DNTTIP1: variants seen among roughly 807,000 people sequenced by gnomAD.
DNTTIP1 encodes deoxynucleotidyltransferase terminal interacting protein 1.
A neutral mutation model predicts 52.9 loss-of-function variants in DNTTIP1; 22 were observed. The ratio of observed to expected loss-of-function variants is 0.42; its 90% CI spans 0.30 to 0.59. The LOEUF (loss-of-function observed/expected upper bound fraction) is 0.59. Among genes scored for constraint, DNTTIP1 ranks in the 20% least tolerant of loss-of-function variants. The pLI is 0.22. For synonymous variants in DNTTIP1, 136 were observed against 155.1 expected (o/e 0.88, Z 0.92); for missense variants, 286 against 435.5 (o/e 0.66, Z 3.06).
Position 45,792,707 on chromosome 20 carries a change from C to G in DNTTIP1, c.136C>G (p.Gln46Glu). 2 of 1,612,386 alleles carry G rather than the reference C, an allele frequency of 1.2e-6. No individual in the cohort carries two copies. The highest frequency in any genetic ancestry group is 1.7e-5 in the Admixed American group (1 of 59,620). ...TTGGAACATAATGATAAAGCACCGG[C>G]AGGTGCAGCGGAGGGGCCGCCGCTC... ...NPWNIMIKHRQVQRRGRRSQM... is the reference protein window; with the variant it reads ...NPWNIMIKHREVQRRGRRSQM... Residue 46 changes from glutamine to glutamate, a missense_variant, in exon 2 of 13, where the codon CAG becomes GAG. Coordinates refer to ENST00000372622, the MANE Select transcript of DNTTIP1 (RefSeq NM_052951.3).
chr20:45,800,693 AAATATATATATATATATATATATAT>A (rs1981420000), intron 4 of DNTTIP1, among the ~76,000 whole-genome samples: 14 of 30,546 alleles, frequency 4.6e-4, no homozygotes, highest in South Asian at 1.8e-3. Flanking sequence ...AAAAAAAAAA[AAATATATATATATATATATATATAT>A]ATATATATAT....
intron 1 of DNTTIP1, 24 bp downstream of exon 1, chr20:45,792,133 TG>T: frequency 8.1e-7 from 1 of 1,237,268 alleles, no homozygotes. Flanking sequence ...CGGTGAGGTC[TG>T]GGCTCAGGCC....
In DNTTIP1 at chr20:45,805,059, G is replaced by T. The variant is rs955868346; in HGVS notation, c.604-87G>T. 8 of 1,128,952 alleles carry T rather than the reference G, an allele frequency of 7.1e-6. No individual in the cohort carries two copies. In the Admixed American group the frequency reaches 1.2e-4, roughly 17 times the overall value. 69.9% of individuals were successfully genotyped at this position (1,128,952 alleles called of 1,614,324 possible). A position where few individuals can be genotyped will look rare whatever the true frequency, so the allele number is the denominator to read the frequency against. On this transcript the variant is annotated intron_variant, in intron 8 of 12. Coordinates refer to ENST00000372622, the MANE Select transcript of DNTTIP1 (RefSeq NM_052951.3). Reference sequence around the variant, plus strand: ...TGATTAAATAATAGACAAGGGGAAGGGTTAGAAAAGGGTAGGGGGAGGAGT... The same window carrying T: ...TGATTAAATAATAGACAAGGGGAAGTGTTAGAAAAGGGTAGGGGGAGGAGT...
intron 11 of DNTTIP1, among the ~76,000 whole-genome samples, chr20:45,810,646 G>C (rs1050053036): frequency 6.8e-6 from 1 of 146,946 alleles, no homozygotes; most frequent in Admixed American, 6.9e-5. Flanking sequence ...TAAAAGAGAA[G>C]GCTATAAATA....
At chr20:45,806,721 A>G (rs1981662249) in intron 10 of DNTTIP1, among the ~76,000 whole-genome samples, 1 of 152,362 alleles carries the variant, frequency 6.6e-6, no homozygotes, top group East Asian at 1.9e-4. Flanking sequence ...CTTCTTCTCC[A>G]GTCTGATATC....
At chr20:45,792,912 C>G (rs1453008057) in intron 2 of DNTTIP1, among the ~76,000 whole-genome samples, 165 bp downstream of exon 2, 1 of 152,220 alleles carries the variant, frequency 6.6e-6, no homozygotes. Context: ...TTGAACTAGT[C>G]AAGTCACTTC....
At chr20:45,802,148 C>CA in intron 7 of DNTTIP1, 91 bp downstream of exon 7, 1 of 1,384,700 alleles carries the variant, frequency 7.2e-7, no homozygotes. Flanking sequence ...CTGTGCCTGT[C>CA]AAAATCAGAT....
rs1981070953 is a variant in DNTTIP1 at position 45,792,693 on chromosome 20, T to C, written c.122T>C (p.Met41Thr). ...TCCCCACAGAACCCTTGGAACATAA[T>C]GATAAAGCACCGGCAGGTGCAGCGG... The part of the protein sequence containing the change: ...QLVLTNPWNI[M>T]IKHRQVQRRG... Residue 41 changes from methionine to threonine, a missense_variant, in exon 2 of 13, where the codon ATG becomes ACG. Physicochemically the swap from Met to Thr is moderately conservative, Grantham distance 81. Transcript: ENST00000372622. 2 of 1,612,310 alleles carry C rather than the reference T, an allele frequency of 1.2e-6. No homozygotes were observed. The highest frequency in any genetic ancestry group is 2.7e-5 in the African/African-American group (2 of 74,940).
chr20:45,796,643 C>T (rs1362343738), intron 4 of DNTTIP1: 1 of 449,818 alleles, frequency 2.2e-6, no homozygotes, highest in African/African-American at 2.0e-5. Context: ...GTTGCCATCA[C>T]CATTTTATAG....
At chr20:45,804,972 C>A (rs1302981483) in intron 8 of DNTTIP1, among the ~76,000 whole-genome samples, 174 bp from the exon 9 acceptor site, 1 of 152,180 alleles carries the variant, frequency 6.6e-6, no homozygotes, top group Non-Finnish European at 1.5e-5. Flanking sequence ...CTCTTTATCC[C>A]CAGTATCTAG....
At chr20:45,794,391 C>T (rs1981157502) in intron 3 of DNTTIP1, among the ~76,000 whole-genome samples, 1 of 151,988 alleles carries the variant, frequency 6.6e-6, no homozygotes, top group Non-Finnish European at 1.5e-5. Flanking sequence ...AAATGATTTG[C>T]CTGCCTTGGC....
chr20:45,795,844 T>C (rs995990766), intron 4 of DNTTIP1, among the ~76,000 whole-genome samples: 1 of 152,148 alleles, frequency 6.6e-6, no homozygotes, highest in African/African-American at 2.4e-5. Flanking sequence ...CAGTGGTATT[T>C]TGGGGAATGC....
chr20:45,804,320 T>G (rs1392534107), intron 8 of DNTTIP1, among the ~76,000 whole-genome samples: 5 of 152,174 alleles, frequency 3.3e-5, no homozygotes, highest in African/African-American at 1.2e-4. Context: ...TTCTTCCTCT[T>G]AAATATATTG....
Position 45,805,381 on chromosome 20 carries a change from G to T in DNTTIP1, c.723+15G>T, listed in dbSNP as rs1436545665. 1 of 1,613,114 alleles carries T rather than the reference G, an allele frequency of 6.2e-7. No homozygotes were observed. Among genetic ancestry groups the T allele is most frequent in the Admixed American group, 1.7e-5 (1 of 59,846 alleles). The stretch of plus-strand genomic sequence containing the variant: ...ACCTCTTTAAGGTAGGTGACTGCTG[G>T]GAGGAAAGCAGGCCATTGCATTGGG... On this transcript the variant is annotated intron_variant, in intron 10 of 12. Transcript: ENST00000372622.
chr20:45,802,545 A>G lies in DNTTIP1; in HGVS notation c.557+488A>G, dbSNP rs773682359. Among the ~76,000 whole-genome samples the G allele has an allele frequency of 5.4e-4, 82 of 152,096 alleles. 1 individual carries two copies. Among genetic ancestry groups the G allele is most frequent in the Non-Finnish European group, 4.9e-4 (33 of 68,020 alleles). Reference sequence around the variant, plus strand: ...GCAAAATTGAGAGGAAGGTACAGACATATCCCGTATACTCCCTGACCCTAC... The same window carrying G: ...GCAAAATTGAGAGGAAGGTACAGACGTATCCCGTATACTCCCTGACCCTAC... On this transcript the variant is annotated intron_variant, in intron 7 of 12. Transcript: ENST00000372622.
At chr20:45,800,692 AAAATATATATAT>A (rs1981416538) in intron 4 of DNTTIP1, among the ~76,000 whole-genome samples, 8 of 32,646 alleles carry the variant, frequency 2.5e-4, no homozygotes, top group Admixed American at 8.1e-4. Context: ...AAAAAAAAAA[AAAATATATATAT>A]ATATATATAT....
At chr20:45,792,241 C>T (rs1181570241) in intron 1 of DNTTIP1, 132 bp downstream of exon 1, 1 of 508,546 alleles carries the variant, frequency 2.0e-6, no homozygotes, top group Non-Finnish European at 3.1e-6. Context: ...AGCCCGACGA[C>T]CTGGATTTAA....
chr20:45,804,756 C>T (rs1343781853), intron 8 of DNTTIP1, among the ~76,000 whole-genome samples: 8 of 152,148 alleles, frequency 5.3e-5, no homozygotes, highest in African/African-American at 1.4e-4. Context: ...TGCCCTTGTT[C>T]CTGACCCCCT....
intron 1 of DNTTIP1, among the ~76,000 whole-genome samples, 173 bp downstream of exon 1, chr20:45,792,282 G>C (rs1259705585): frequency 6.6e-6 from 1 of 152,184 alleles, no homozygotes; most frequent in Non-Finnish European, 1.5e-5. Context: ...GCTAGGTGAC[G>C]TGGGCCATCT....
Sources: allele counts gnomAD v4.1 joint callset (sites outside exome capture counted in the v4.1 genomes callset), GRCh38; gene constraint gnomAD v4.1.1; transcripts MANE v1.5; gene names NCBI Gene and HGNC (gene_info 2026-07-23, HGNC 2026-07-21).